CUL1: variants seen among roughly 807,000 people sequenced by gnomAD.
The protein encoded by CUL1 is cullin 1, also known as cullin-1.
CUL1 carries 24 observed loss-of-function variants against 118.0 expected under a neutral mutation model. That is an observed-to-expected ratio of 0.20 (90% CI 0.15 to 0.29). The LOEUF (loss-of-function observed/expected upper bound fraction) is 0.29. CUL1 is among the 10% of genes least tolerant of loss of function. The pLI is 1.00. For synonymous variants in CUL1, 332 were observed against 340.4 expected (o/e 0.98, Z 0.27); for missense variants, 361 against 933.8 (o/e 0.39, Z 7.99).
chr7:148,784,008 A>T lies in CUL1; in HGVS notation c.1229A>T (p.Lys410Met). Residue 410 changes from lysine to methionine, a missense_variant, in exon 11 of 22, where the codon AAG becomes ATG. Physicochemically the swap from Lys to Met is moderately conservative, Grantham distance 95. Coordinates refer to ENST00000325222, the MANE Select transcript of CUL1 (RefSeq NM_003592.3). ...TTCATAAACAACAACGCGGTTACCAAGATGGCCCAATCATCCAGTAAATCC... is the reference window on the plus strand; with the variant it reads ...TTCATAAACAACAACGCGGTTACCATGATGGCCCAATCATCCAGTAAATCC... ...GRFINNNAVT[K>M]MAQSSSKSPE... The T allele has an allele frequency of 6.2e-7, 1 of 1,614,218 alleles. No individual in the cohort carries two copies. The highest frequency in any genetic ancestry group is 8.5e-7 in the Non-Finnish European group (1 of 1,180,040).
intron 1 of CUL1, among the ~76,000 whole-genome samples, chr7:148,722,051 A>G (rs1470542046): frequency 1.3e-5 from 2 of 152,248 alleles, no homozygotes; most frequent in African/African-American, 2.4e-5. Flanking sequence ...ATTCTGCTCT[A>G]CTGTATATTT....
intron 7 of CUL1, among the ~76,000 whole-genome samples, chr7:148,761,634 A>G (rs1799833527): frequency 6.6e-6 from 1 of 152,262 alleles, no homozygotes; most frequent in Non-Finnish European, 1.5e-5. Flanking sequence ...TTTGTGAGCT[A>G]TGTGATCTCT....
intron 1 of CUL1, among the ~76,000 whole-genome samples, chr7:148,704,456 T>C (rs1482643261): frequency 6.6e-6 from 1 of 152,220 alleles, no homozygotes; most frequent in Admixed American, 6.5e-5. Flanking sequence ...AGCTATTCCA[T>C]TTCTAAGAAT....
chr7:148,727,987 C>T (rs1262322541), intron 1 of CUL1, among the ~76,000 whole-genome samples: 2 of 152,038 alleles, frequency 1.3e-5, no homozygotes, highest in African/African-American at 4.8e-5. Context: ...AGCTGACGGC[C>T]ATGTCAAGAA....
intron 1 of CUL1, among the ~76,000 whole-genome samples, chr7:148,707,202 T>C (rs1797912292): frequency 1.3e-5 from 2 of 152,156 alleles, no homozygotes; most frequent in African/African-American, 2.4e-5. Flanking sequence ...AGATTTGATA[T>C]GGAGTGAATT....
chr7:148,797,687 C>A (rs1457058048), intron 17 of CUL1, 125 bp from the exon 18 acceptor site: 4 of 717,630 alleles, frequency 5.6e-6, no homozygotes, highest in African/African-American at 3.7e-5. Context: ...TTCCAGCATA[C>A]TCTTCTTTTG....
chr7:148,763,520 T>TA (rs1799906872), intron 7 of CUL1, among the ~76,000 whole-genome samples: 2 of 152,220 alleles, frequency 1.3e-5, no homozygotes, highest in African/African-American at 4.8e-5. Flanking sequence ...GGGATGACCT[T>TA]AATGCTTCTG....
At chr7:148,710,831 T>A (rs137965284) in intron 1 of CUL1, among the ~76,000 whole-genome samples, 3,734 of 151,810 alleles carry the variant, frequency 0.025, 146 homozygotes, top group African/African-American at 0.086. Flanking sequence ...GCCCGGCTAA[T>A]TTTTTTTGTG....
intron 16 of CUL1, among the ~76,000 whole-genome samples, chr7:148,792,108 C>T (rs1801032075): frequency 1.3e-5 from 2 of 151,946 alleles, no homozygotes; most frequent in Admixed American, 1.3e-4. Context: ...ATCCCTTGAA[C>T]CTGGGAGGCG....
chr7:148,715,693 T>C (rs1161523029), intron 1 of CUL1, among the ~76,000 whole-genome samples: 1 of 152,218 alleles, frequency 6.6e-6, no homozygotes, highest in Non-Finnish European at 1.5e-5. Context: ...AATTTTACTT[T>C]TTTGTCAGTT....
chr7:148,769,296 T>G (rs546626015), intron 9 of CUL1, among the ~76,000 whole-genome samples: 1 of 152,120 alleles, frequency 6.6e-6, no homozygotes, highest in African/African-American at 2.4e-5. Flanking sequence ...CACGTTCTTA[T>G]GAGTACACAT....
At chr7:148,699,888 GT>G (rs937390806) in intron 1 of CUL1, among the ~76,000 whole-genome samples, 2 of 152,144 alleles carry the variant, frequency 1.3e-5, no homozygotes, top group Non-Finnish European at 2.9e-5. Context: ...GGGACTTGGG[GT>G]CCCCAGACTC....
At chr7:148,743,793 T>G (rs1362113483) in intron 2 of CUL1, among the ~76,000 whole-genome samples, 1 of 151,974 alleles carries the variant, frequency 6.6e-6, no homozygotes, top group East Asian at 1.9e-4. Flanking sequence ...CCGGTCATGG[T>G]GGTGGGCGCC....
intron 1 of CUL1, among the ~76,000 whole-genome samples, chr7:148,716,144 G>C (rs1798208420): frequency 6.6e-6 from 1 of 152,028 alleles, no homozygotes; most frequent in Non-Finnish European, 1.5e-5. Context: ...TGTTCTTCTA[G>C]ATTTTACAGT....
chr7:148,762,930 T>C (rs1584798436), intron 7 of CUL1, among the ~76,000 whole-genome samples: 1 of 152,336 alleles, frequency 6.6e-6, no homozygotes. Flanking sequence ...GCAGATTGCC[T>C]GAGGTCGGGA....
At chr7:148,773,955 A>G (rs780629649) in intron 9 of CUL1, among the ~76,000 whole-genome samples, 16 of 152,148 alleles carry the variant, frequency 1.1e-4, no homozygotes, top group Non-Finnish European at 2.2e-4. Context: ...CTCAGAGCTT[A>G]TTATGACACC....
At chr7:148,777,808 G>T (rs1800454237) in intron 9 of CUL1, among the ~76,000 whole-genome samples, 1 of 151,924 alleles carries the variant, frequency 6.6e-6, no homozygotes. Flanking sequence ...GGTGATGCCT[G>T]TAATCCCAGC....
At chr7:148,789,540 G>A (rs986586467) in intron 14 of CUL1, among the ~76,000 whole-genome samples, 2 of 152,132 alleles carry the variant, frequency 1.3e-5, no homozygotes, top group African/African-American at 2.4e-5. Flanking sequence ...TCACTCTTTG[G>A]AAGAAAAGAG....
At chr7:148,709,892 G>A (rs777148619) in intron 1 of CUL1, among the ~76,000 whole-genome samples, 3 of 152,068 alleles carry the variant, frequency 2.0e-5, no homozygotes, top group Non-Finnish European at 4.4e-5. Context: ...AGACCAGCCT[G>A]GGCAACGTAG....
Sources: gnomAD v4.1 joint callset for allele counts (sites outside exome capture counted in the v4.1 genomes callset) on GRCh38, gnomAD v4.1.1 for gene constraint, MANE v1.5 for transcripts, NCBI Gene and HGNC (gene_info 2026-07-23, HGNC 2026-07-21) for gene names.